SYT17: variants seen among roughly 807,000 people sequenced by gnomAD.
SYT17 encodes the protein synaptotagmin 17, also known as synaptotagmin-17.
A neutral mutation model predicts 46.7 loss-of-function variants in SYT17; 22 were observed. The ratio of observed to expected loss-of-function variants is 0.47; its 90% confidence interval spans 0.34 to 0.67. SYT17 has a LOEUF of 0.67. SYT17 is among the 30% of genes least tolerant of loss of function. The probability of loss-of-function intolerance (pLI) is 0.01; values close to 1 mark genes in which losing one functional copy is unlikely to be tolerated. For synonymous variants in SYT17, 251 were observed against 248.4 expected (o/e 1.01, Z -0.10); for missense variants, 519 against 612.8 (o/e 0.85, Z 1.62).
At chr16:19,201,871 G>T (rs1965481046) in intron 5 of SYT17, among the ~76,000 whole-genome samples, 2 of 152,272 alleles carry the variant, frequency 1.3e-5, no homozygotes, top group South Asian at 4.1e-4. Context: ...GATACTCACT[G>T]TGTGACATTG....
At chr16:19,239,296 A>T (rs556820218) in intron 7 of SYT17, among the ~76,000 whole-genome samples, 1 of 151,588 alleles carries the variant, frequency 6.6e-6, no homozygotes, top group Non-Finnish European at 1.5e-5. Context: ...TAATTAATTA[A>T]TTAATTAAAC....
intron 5 of SYT17, among the ~76,000 whole-genome samples, chr16:19,220,509 G>A (rs145444298): frequency 0.01 from 1,566 of 152,038 alleles, 27 homozygotes; most frequent in African/African-American, 0.035. Context: ...ATGTTGGCCA[G>A]GTTGGTCTTG....
rs1242657194 is a variant in SYT17 at position 19,176,686 on chromosome 16, C to CTG, written c.182+3108_182+3109insTG. 8.9e-4 allele frequency among the ~76,000 whole-genome samples: 135 copies of CTG among 152,192 alleles called. 1 individual carries two copies. Among genetic ancestry groups the CTG allele is most frequent in the African/African-American group, 3.1e-3 (130 of 41,528 alleles). ...GAAATTGACTAGAGAGGTGGGCAGA[C>CTG]ATCACCCCTTGTAGAGATAGGCGTC... is the stretch of plus-strand genomic sequence containing the variant. On this transcript the variant is annotated intron_variant, in intron 3 of 7. Transcript: ENST00000355377.
intron 6 of SYT17, 84 bp from the exon 7 acceptor site, chr16:19,224,598 TG>T: frequency 6.9e-7 from 1 of 1,452,768 alleles, no homozygotes; most frequent in Middle Eastern, 1.8e-4. Flanking sequence ...AAAAGACAGA[TG>T]GATGGGAGGT....
Position 19,173,482 on chromosome 16 carries a change from A to C in SYT17, c.86A>C (p.His29Pro). The part of the protein sequence containing the change: ...GLLLCRWTCR[H>P]CCQKCYESSC... ...CTGCTGTGCAGATGGACCTGCCGGC[A>C]CTGCTGTCAGAAGTGCTACGAGTCC... Residue 29 changes from histidine to proline, a missense_variant, in exon 3 of 8, where the codon CAC becomes CCC. Coordinates refer to ENST00000355377, the MANE Select transcript of SYT17 (RefSeq NM_016524.4). 6.4e-7 allele frequency: 1 copy of C among 1,574,672 alleles called. No homozygotes were observed. Among genetic ancestry groups the C allele is most frequent in the Non-Finnish European group, 8.6e-7 (1 of 1,156,310 alleles).
At chr16:19,258,149 G>A (rs1268053608) in intron 7 of SYT17, among the ~76,000 whole-genome samples, 5 of 152,044 alleles carry the variant, frequency 3.3e-5, no homozygotes, top group Non-Finnish European at 7.4e-5. Context: ...CTCCTTCAGG[G>A]TACTTAGGTT....
chr16:19,170,873 A>G lies in SYT17; in HGVS notation c.16-1887A>G, dbSNP rs1964053539. 3 of 152,082 alleles carry G rather than the reference A, an allele frequency of 2.0e-5. No individual in the cohort carries two copies. In the South Asian group the frequency reaches 6.2e-4, roughly 32 times the overall value. 9.4% of individuals were successfully genotyped at this position (152,082 alleles called of 1,614,324 possible). A position where few individuals can be genotyped will look rare whatever the true frequency, so the allele number is the denominator to read the frequency against. ...CCTGCCGGGACAATACCCAGTGCCT[A>G]CTGGGTTCCACTAGGTCTTGACAAT... On this transcript the variant is annotated intron_variant, in intron 1 of 7. Coordinates refer to ENST00000355377, the MANE Select transcript of SYT17 (RefSeq NM_016524.4).
intron 6 of SYT17, among the ~76,000 whole-genome samples, chr16:19,224,210 T>TGGTTCTGTGTCC (rs1198234287): frequency 6.6e-6 from 1 of 152,200 alleles, no homozygotes; most frequent in Non-Finnish European, 1.5e-5. Context: ...GCTCTGAGTC[T>TGGTTCTGTGTCC]GGTTCTGTGT....
intron 5 of SYT17, among the ~76,000 whole-genome samples, chr16:19,214,712 G>T (rs1966027080): frequency 6.6e-6 from 1 of 152,074 alleles, no homozygotes; most frequent in East Asian, 1.9e-4. Flanking sequence ...CCAGGGCTGG[G>T]TTAGGATAAG....
At chr16:19,261,182 C>T (rs1008059465) in intron 7 of SYT17, among the ~76,000 whole-genome samples, 2 of 152,182 alleles carry the variant, frequency 1.3e-5, no homozygotes, top group African/African-American at 4.8e-5. Context: ...CTCCAACACA[C>T]TTAGAATTTA....
At chr16:19,172,903 C>A in intron 2 of SYT17, 126 bp downstream of exon 2, 2 of 1,197,552 alleles carry the variant, frequency 1.7e-6, no homozygotes, top group Non-Finnish European at 2.4e-6. Flanking sequence ...TTAATAACGG[C>A]ACAGTTTCCA....
At chr16:19,245,084 A>G (rs932210424) in intron 7 of SYT17, among the ~76,000 whole-genome samples, 8 of 152,142 alleles carry the variant, frequency 5.3e-5, no homozygotes, top group Admixed American at 2.0e-4. Context: ...GGTCAGGGTC[A>G]ACAGTGGGGG....
Position 19,173,435 on chromosome 16 carries a change from T to A in SYT17, c.39T>A (p.Phe13Leu), listed in dbSNP as rs1253791865. The A allele has an allele frequency of 3.1e-6, 5 of 1,598,040 alleles. No homozygotes were observed. The highest frequency in any genetic ancestry group is 1.7e-5 in the Admixed American group (1 of 58,784). The change falls in exon 3 of 8, where the codon TTT (phenylalanine) becomes TTA (leucine). Residue 13 changes from phenylalanine to leucine, a missense_variant. By Grantham distance (22) the Phe-to-Leu change is conservative. Coordinates refer to ENST00000355377, the MANE Select transcript of SYT17 (RefSeq NM_016524.4). ...YIQLEPLNEG[F>L]LSRISGLLLC... Reference sequence around the variant, plus strand: ...ACCTCCCCCAATGGCCTCAGGGTTTTCTTTCTAGAATCTCTGGTCTGCTGC... The same window carrying A: ...ACCTCCCCCAATGGCCTCAGGGTTTACTTTCTAGAATCTCTGGTCTGCTGC...
In SYT17 at chr16:19,249,880, C is replaced by T; in HGVS notation, c.1229-17000C>T. On this transcript the variant is annotated intron_variant, in intron 7 of 7. Coordinates refer to ENST00000355377, the MANE Select transcript of SYT17 (RefSeq NM_016524.4). ...GGGGGCTCCATACTTTCATCCAGGTCGTCTTGTCTTGCTCACTCCCTTGTC... is the reference window on the plus strand; with the variant it reads ...GGGGGCTCCATACTTTCATCCAGGTTGTCTTGTCTTGCTCACTCCCTTGTC... 7 of 1,501,432 alleles carry T rather than the reference C, an allele frequency of 4.7e-6. No individual in the cohort carries two copies. The Admixed American group carries it at 6.5e-5, about 14-fold the overall frequency. The allele number at this position is 1,501,432 out of a possible 1,614,324, so 93.0% of individuals were successfully genotyped here.
chr16:19,264,570 G>A (rs1445624939), intron 7 of SYT17, among the ~76,000 whole-genome samples: 1 of 150,252 alleles, frequency 6.7e-6, no homozygotes, highest in African/African-American at 2.5e-5. Context: ...GCACATGAGA[G>A]TACGTGAGAC....
intron 7 of SYT17, among the ~76,000 whole-genome samples, chr16:19,247,181 CCT>C (rs1381621090): frequency 6.6e-6 from 1 of 152,040 alleles, no homozygotes; most frequent in Admixed American, 6.6e-5. Context: ...AGTATAAAGC[CCT>C]CTCATTATTA....
At chr16:19,223,293 G>A (rs1966389626) in intron 6 of SYT17, 128 bp downstream of exon 6, 1 of 1,181,966 alleles carries the variant, frequency 8.5e-7, no homozygotes, top group East Asian at 2.5e-5. Flanking sequence ...GGTAAATGAT[G>A]CCATCTTAGT....
chr16:19,184,517 C>T (rs930263026), intron 5 of SYT17, among the ~76,000 whole-genome samples: 2 of 151,766 alleles, frequency 1.3e-5, no homozygotes, highest in Non-Finnish European at 2.9e-5. Flanking sequence ...TCCTGAGTAG[C>T]TGGGACTATA....
chr16:19,184,274 C>T lies in SYT17; in HGVS notation c.951+127C>T, dbSNP rs930377755. ...CTTTTTATTTTGAAATAATTTTTGA[C>T]TCACAAGAGGTTGCAAAAATAGCAG... On this transcript the variant is annotated intron_variant, in intron 5 of 7. Coordinates refer to ENST00000355377, the MANE Select transcript of SYT17 (RefSeq NM_016524.4). 6.1e-6 allele frequency: 8 copies of T among 1,314,538 alleles called. No individual in the cohort carries two copies. The African/African-American group carries it at 1.0e-4, about 17-fold the overall frequency. 81.4% of individuals were successfully genotyped at this position (1,314,538 alleles called of 1,614,324 possible).
Sources: allele counts gnomAD v4.1 joint callset (sites outside exome capture counted in the v4.1 genomes callset), GRCh38; gene constraint gnomAD v4.1.1; transcripts MANE v1.5; gene names NCBI Gene and HGNC (gene_info 2026-07-23, HGNC 2026-07-21).